The following LUZP2 variants were observed in gnomAD, a reference collection of about 807,000 sequenced individuals.
The protein encoded by LUZP2 is leucine zipper protein 2.
Under a neutral mutation model 51.6 loss-of-function variants are expected in LUZP2, and 52 were observed. The observed-to-expected ratio is 1.01, with a 90% CI of 0.81 to 1.27. LUZP2 has a LOEUF of 1.27. Ranked by LOEUF, LUZP2 falls within the 50% of genes most tolerant of loss-of-function variation. LUZP2 has a pLI of 0.00. For missense variants in LUZP2, 436 were observed against 395.4 expected (o/e 1.10, Z -0.87); for synonymous variants, 154 against 137.3 (o/e 1.12, Z -0.85).
At chr11:25,028,751 G>T (rs187299260) in intron 9 of LUZP2, among the ~76,000 whole-genome samples, 7 of 151,194 alleles carry the variant, frequency 4.6e-5, no homozygotes, top group Admixed American at 3.3e-4. Flanking sequence ...TGAAAATCCA[G>T]TTCATCCATA....
chr11:24,705,206 T>C (rs958315030), intron 1 of LUZP2, among the ~76,000 whole-genome samples: 16 of 152,206 alleles, frequency 1.1e-4, no homozygotes, highest in African/African-American at 3.9e-4. Context: ...GTTCTTTTTA[T>C]ATTTTTTATT....
intron 5 of LUZP2, among the ~76,000 whole-genome samples, chr11:24,772,802 C>T (rs1167681670): frequency 6.6e-6 from 1 of 152,180 alleles, no homozygotes; most frequent in East Asian, 1.9e-4. Context: ...AGTGGTATCA[C>T]TCCAATCTCT....
intron 9 of LUZP2, among the ~76,000 whole-genome samples, chr11:25,007,443 A>G (rs1336145894): frequency 6.6e-6 from 1 of 152,136 alleles, no homozygotes; most frequent in African/African-American, 2.4e-5. Context: ...TCTCTACTAA[A>G]AATACAAAAA....
chr11:25,067,437 G>A (rs1339816477), intron 10 of LUZP2, among the ~76,000 whole-genome samples: 4 of 152,000 alleles, frequency 2.6e-5, no homozygotes, highest in Non-Finnish European at 4.4e-5. Context: ...TGGTGTTTTA[G>A]TCATGAAGTC....
chr11:25,010,396 A>G (rs1368836229), intron 9 of LUZP2, among the ~76,000 whole-genome samples: 1 of 151,998 alleles, frequency 6.6e-6, no homozygotes, highest in East Asian at 1.9e-4. Context: ...TCTACTAAAA[A>G]CTACGAAATT....
At chr11:24,513,005 G>T (rs1157486559) in intron 1 of LUZP2, among the ~76,000 whole-genome samples, 9 of 152,028 alleles carry the variant, frequency 5.9e-5, no homozygotes, top group Admixed American at 2.0e-4. Flanking sequence ...TGATCCACCC[G>T]CCTCGGCCTC....
chr11:24,637,875 A>G (rs1042532802), intron 1 of LUZP2, among the ~76,000 whole-genome samples: 1 of 151,896 alleles, frequency 6.6e-6, no homozygotes, highest in Non-Finnish European at 1.5e-5. Flanking sequence ...CCTTTGAAGC[A>G]TGTGATCCCT....
intron 5 of LUZP2, among the ~76,000 whole-genome samples, chr11:24,888,605 G>A (rs754910249): frequency 6.6e-6 from 1 of 152,044 alleles, no homozygotes; most frequent in South Asian, 2.1e-4. Flanking sequence ...TGACACATAC[G>A]CATGCTGAGT....
intron 4 of LUZP2, among the ~76,000 whole-genome samples, chr11:24,757,270 T>A (rs897206383): frequency 7.9e-5 from 12 of 152,188 alleles, no homozygotes; most frequent in African/African-American, 2.9e-4. Flanking sequence ...TATTGAAACA[T>A]AAATGAAGTT....
At chr11:24,690,638 A>G (rs1048722536) in intron 1 of LUZP2, among the ~76,000 whole-genome samples, 17 of 151,952 alleles carry the variant, frequency 1.1e-4, no homozygotes, top group African/African-American at 3.9e-4. Flanking sequence ...TGATCCATCT[A>G]AAAGAAGAAG....
At chr11:24,694,147 G>C (rs1440010036) in intron 1 of LUZP2, among the ~76,000 whole-genome samples, 1 of 151,918 alleles carries the variant, frequency 6.6e-6, no homozygotes, top group Non-Finnish European at 1.5e-5. Flanking sequence ...TATTCTAAAA[G>C]CTCTAAGCTT....
rs530209765 is a variant in LUZP2, at chr11:24,968,821, G to A, written c.523-7770G>A. ...TTGGGCCATTGCTCTTCGCACCTTG[G>A]TTAAGAAATTGCCATCAGGCAGAAA... On this transcript the variant is annotated intron_variant, in intron 7 of 11. Transcript: ENST00000336930. Among the ~76,000 whole-genome samples the A allele has an allele frequency of 5.3e-5, 8 of 152,322 alleles. No individual in the cohort carries two copies. In the South Asian group the frequency reaches 1.7e-3, roughly 32 times the overall value.
intron 5 of LUZP2, among the ~76,000 whole-genome samples, chr11:24,801,830 C>T (rs1308658192): frequency 6.7e-6 from 1 of 150,230 alleles, no homozygotes; most frequent in Non-Finnish European, 1.5e-5. Context: ...GGCTCTACCA[C>T]TTAATAGCTG....
chr11:24,816,121 T>G (rs10834488), intron 5 of LUZP2, among the ~76,000 whole-genome samples: 38,377 of 152,006 alleles, frequency 0.25, 5,708 homozygotes, highest in East Asian at 0.51. Flanking sequence ...ATTTAGCTTT[T>G]ATAATGATAA....
At chr11:24,648,746 A>G (rs11822812) in intron 1 of LUZP2, among the ~76,000 whole-genome samples, 32,141 of 151,890 alleles carry the variant, frequency 0.21, 3,899 homozygotes, top group Admixed American at 0.32. Context: ...GTATATGCAT[A>G]CATTTAAATG....
intron 1 of LUZP2, among the ~76,000 whole-genome samples, chr11:24,671,254 G>C (rs1456571828): frequency 6.6e-6 from 1 of 151,506 alleles, no homozygotes; most frequent in East Asian, 1.9e-4. Context: ...TCTTATTATT[G>C]TTTTACTTAT....
intron 5 of LUZP2, among the ~76,000 whole-genome samples, chr11:24,825,344 A>G (rs1041995008): frequency 1.3e-5 from 2 of 152,000 alleles, no homozygotes; most frequent in African/African-American, 4.8e-5. Context: ...ATTGGTATCA[A>G]CTCTCTCAAA....
chr11:24,701,855 C>A (rs7110341), intron 1 of LUZP2, among the ~76,000 whole-genome samples: 83,599 of 151,930 alleles, frequency 0.55, 23,706 homozygotes, highest in African/African-American at 0.69. Context: ...AGAAGGGATT[C>A]GTTTTTATAA....
intron 1 of LUZP2, among the ~76,000 whole-genome samples, chr11:24,643,772 C>T (rs1855381481): frequency 6.6e-6 from 1 of 152,090 alleles, no homozygotes; most frequent in African/African-American, 2.4e-5. Context: ...AAAAGATACA[C>T]CAAATATGAA....
Sources: gnomAD v4.1 joint callset for allele counts (sites outside exome capture counted in the v4.1 genomes callset) on GRCh38, gnomAD v4.1.1 for gene constraint, MANE v1.5 for transcripts, NCBI Gene and HGNC (gene_info 2026-07-23, HGNC 2026-07-21) for gene names.